Variants in BCHE observed in about 807,000 individuals in gnomAD.
The protein encoded by BCHE is cholinesterase.
In BCHE, 48 loss-of-function variants were observed where a neutral mutation model predicts 51.3. That is an observed-to-expected ratio of 0.94 (90% CI 0.74 to 1.19). The LOEUF is 1.19. Among genes scored for constraint, BCHE ranks in the 50% most tolerant of loss-of-function variants. The probability of loss-of-function intolerance (pLI) is 0.00; values close to 1 mark genes in which losing one functional copy is unlikely to be tolerated. For missense variants in BCHE, 847 were observed against 708.2 expected (o/e 1.20, Z -2.23); for synonymous variants, 251 against 238.0 (o/e 1.05, Z -0.50).
At chr3:165,784,710 G>T (rs138852153) in intron 3 of BCHE, among the ~76,000 whole-genome samples, 1 of 151,616 alleles carries the variant, frequency 6.6e-6, no homozygotes. Flanking sequence ...TTGTATCATC[G>T]CATAAATTGC....
At chr3:165,792,467 A>T (rs2108207211) in intron 2 of BCHE, among the ~76,000 whole-genome samples, 1 of 152,316 alleles carries the variant, frequency 6.6e-6, no homozygotes, top group South Asian at 2.1e-4. Context: ...TTGCGACATC[A>T]TAAAACTCAA....
At chr3:165,832,690 T>C (rs1715035689) in intron 1 of BCHE, among the ~76,000 whole-genome samples, 1 of 152,194 alleles carries the variant, frequency 6.6e-6, no homozygotes, top group Non-Finnish European at 1.5e-5. Context: ...GTACAAAGCC[T>C]TCCCTTTATT....
In BCHE at chr3:165,830,086, T is replaced by C; in HGVS notation, c.948A>G (p.Val316=). ...CACCATCCACGGTCGGACCAAAGTT[T>C]ACTGACAAAGGAGTCCCATAGGGGA... ...FVVPYGTPLS[V]NFGPTVDGDF... Residue 316 remains valine (V), a synonymous_variant, in exon 2 of 4, where the codon GTA becomes GTG. Coordinates refer to ENST00000264381, the MANE Select transcript of BCHE (RefSeq NM_000055.4). 3 of 1,613,688 alleles carry C rather than the reference T, an allele frequency of 1.9e-6. No individual in the cohort carries two copies. The highest frequency in any genetic ancestry group is 2.5e-6 in the Non-Finnish European group (3 of 1,179,864).
chr3:165,786,714 A>T (rs1478978389), intron 2 of BCHE, among the ~76,000 whole-genome samples: 1 of 151,694 alleles, frequency 6.6e-6, no homozygotes, highest in Non-Finnish European at 1.5e-5. Context: ...CATCTTTTGC[A>T]TCTATTTCAT....
intron 2 of BCHE, among the ~76,000 whole-genome samples, chr3:165,809,458 T>C (rs1713996448): frequency 1.3e-5 from 2 of 152,144 alleles, no homozygotes; most frequent in Admixed American, 1.3e-4. Flanking sequence ...CTTTTAATGT[T>C]TTTATTATGC....
chr3:165,787,648 ACTT>A (rs1477025431), intron 2 of BCHE, among the ~76,000 whole-genome samples: 2 of 151,980 alleles, frequency 1.3e-5, no homozygotes, highest in Admixed American at 6.6e-5. Flanking sequence ...TGATTAATCT[ACTT>A]CTTAGTTCAA....
intron 2 of BCHE, 131 bp from the exon 3 acceptor site, chr3:165,786,442 G>C: frequency 1.2e-6 from 1 of 818,614 alleles, no homozygotes; most frequent in Non-Finnish European, 1.9e-6. Context: ...ATATATTGAT[G>C]ATATGAAACG....
At chr3:165,805,995 T>C (rs983230096) in intron 2 of BCHE, among the ~76,000 whole-genome samples, 17 of 152,078 alleles carry the variant, frequency 1.1e-4, no homozygotes, top group Non-Finnish European at 2.5e-4. Context: ...GTGTAGACCA[T>C]TTGTATTGCT....
At chr3:165,835,269 A>T (rs1340371915) in intron 1 of BCHE, among the ~76,000 whole-genome samples, 1 of 151,820 alleles carries the variant, frequency 6.6e-6, no homozygotes, top group African/African-American at 2.4e-5. Context: ...AAAAATACTA[A>T]ATGTTATACT....
intron 2 of BCHE, among the ~76,000 whole-genome samples, chr3:165,822,108 C>T (rs1298388369): frequency 6.6e-6 from 1 of 151,302 alleles, no homozygotes; most frequent in East Asian, 1.9e-4. Flanking sequence ...CAAAACAGGA[C>T]AAAATAAAAG....
At chr3:165,777,756 G>A (rs530660996) in intron 3 of BCHE, 27 of 449,110 alleles carry the variant, frequency 6.0e-5, no homozygotes, top group African/African-American at 3.0e-4. Flanking sequence ...CAGAGACAGC[G>A]AGACCAACAG....
intron 3 of BCHE, among the ~76,000 whole-genome samples, chr3:165,781,616 G>A (rs937832674): frequency 1.4e-4 from 22 of 152,048 alleles, no homozygotes; most frequent in African/African-American, 5.1e-4. Context: ...GGGAGGGAGA[G>A]CATTAGGACA....
At chr3:165,789,500 G>T (rs536828800) in intron 2 of BCHE, among the ~76,000 whole-genome samples, 9 of 152,084 alleles carry the variant, frequency 5.9e-5, no homozygotes, top group Non-Finnish European at 1.0e-4. Flanking sequence ...GAATCCTAGT[G>T]CTGCCTACCT....
At chr3:165,828,284 A>C (rs1419041390) in intron 2 of BCHE, among the ~76,000 whole-genome samples, 1 of 152,152 alleles carries the variant, frequency 6.6e-6, no homozygotes, top group Non-Finnish European at 1.5e-5. Flanking sequence ...AGGTGCAGTT[A>C]AACTCAGAAT....
intron 2 of BCHE, among the ~76,000 whole-genome samples, chr3:165,788,083 A>C (rs545339396): frequency 6.7e-6 from 1 of 149,608 alleles, no homozygotes; most frequent in South Asian, 2.1e-4. Flanking sequence ...ATTAATAGAT[A>C]GAAATTTTGG....
At chr3:165,837,009 A>T (rs1337013944) in intron 1 of BCHE, among the ~76,000 whole-genome samples, 2 of 152,152 alleles carry the variant, frequency 1.3e-5, no homozygotes, top group Non-Finnish European at 2.9e-5. Flanking sequence ...TTTCTTAGGA[A>T]ACTCACTAAG....
chr3:165,809,028 A>G (rs1713978190), intron 2 of BCHE, among the ~76,000 whole-genome samples: 1 of 152,120 alleles, frequency 6.6e-6, no homozygotes, highest in Non-Finnish European at 1.5e-5. Flanking sequence ...TTTATATATT[A>G]TATTAAGTTT....
chr3:165,811,546 A>T lies in BCHE; in HGVS notation c.1517+17971T>A, dbSNP rs140062675. ...ATGGTAATGCTCTAGGAATAACTGA[A>T]TTCTCTGTGTCTACCAAAAAACACT... On this transcript the variant is annotated intron_variant, in intron 2 of 3. Transcript: ENST00000264381. 7.0e-4 allele frequency among the ~76,000 whole-genome samples: 106 copies of T among 152,190 alleles called. 1 individual carries two copies. The highest frequency in any genetic ancestry group is 2.4e-3 in the African/African-American group (101 of 41,560).
At chr3:165,796,689 T>G (rs1179796646) in intron 2 of BCHE, among the ~76,000 whole-genome samples, 1 of 152,218 alleles carries the variant, frequency 6.6e-6, no homozygotes, top group Non-Finnish European at 1.5e-5. Context: ...GTGAACATTT[T>G]AATCTTAATA....
Sources: gnomAD v4.1 joint callset for allele counts (sites outside exome capture counted in the v4.1 genomes callset) on GRCh38, gnomAD v4.1.1 for gene constraint, MANE v1.5 for transcripts, NCBI Gene and HGNC (gene_info 2026-07-23, HGNC 2026-07-21) for gene names.